PALM2AKAP2: variants seen among roughly 807,000 people sequenced by gnomAD.
PALM2AKAP2 encodes the protein PALM2 and AKAP2 fusion.
Under a neutral mutation model 71.5 loss-of-function variants are expected in PALM2AKAP2, and 37 were observed. That is an observed-to-expected ratio of 0.52 (90% CI 0.40 to 0.68). The LOEUF is 0.68. PALM2AKAP2 is among the 30% of genes least tolerant of loss of function. The pLI is 0.00. For synonymous variants in PALM2AKAP2, 468 were observed against 478.8 expected (o/e 0.98, Z 0.29); for missense variants, 1,224 against 1,191.8 (o/e 1.03, Z -0.40).
intron 2 of PALM2AKAP2, among the ~76,000 whole-genome samples, chr9:110,145,416 A>G (rs1279362565): frequency 2.6e-5 from 4 of 152,212 alleles, no homozygotes; most frequent in Admixed American, 6.5e-5. Context: ...CATTTACTCC[A>G]GAAACAGGTT....
intron 6 of PALM2AKAP2, among the ~76,000 whole-genome samples, chr9:109,986,059 C>T (rs182018618): frequency 2.4e-4 from 36 of 152,282 alleles, no homozygotes; most frequent in African/African-American, 7.2e-4. Context: ...AAAAGAAATG[C>T]GACCCGCTAC....
intron 6 of PALM2AKAP2, among the ~76,000 whole-genome samples, chr9:110,011,897 G>A (rs1250492865): frequency 1.3e-5 from 2 of 152,022 alleles, no homozygotes; most frequent in Non-Finnish European, 2.9e-5. Context: ...AGATACTGGT[G>A]TAGAACAGAT....
rs148201041 is a variant in PALM2AKAP2, at chr9:110,123,797, C to T, written c.157-12330C>T. 1.2e-4 allele frequency among the ~76,000 whole-genome samples: 19 copies of T among 152,318 alleles called. No homozygotes were observed. In the East Asian group the frequency reaches 1.9e-3, roughly 15 times the overall value. ...GCAGGTGTGGTAATGGAGTGGGTCC[C>T]GGGTGCCCCTCTTGCATCGCTGGTC... On this transcript the variant is annotated intron_variant, in intron 1 of 3. Coordinates refer to ENST00000374525, the Ensembl canonical transcript of PALM2AKAP2.
chr9:109,905,512 T>C lies in PALM2AKAP2; in HGVS notation c.258-18223T>C, dbSNP rs114310573. On this transcript the variant is annotated intron_variant, in intron 3 of 9. Coordinates refer to the PALM2AKAP2 transcript ENST00000302798. ...AGAGAGAATGCAACGACTGTGCCCG[T>C]GAGAAACCAACAGTGCAGGGTGGCG... Among the ~76,000 whole-genome samples, 690 of 152,354 alleles carry C rather than the reference T, an allele frequency of 4.5e-3. 7 individuals are homozygous for C. The highest frequency in any genetic ancestry group is 0.016 in the African/African-American group (666 of 41,572).
chr9:109,880,451 G>T, intron 2 of PALM2AKAP2, 100 bp from the exon 3 acceptor site: 1 of 1,516,028 alleles, frequency 6.6e-7, no homozygotes, highest in African/African-American at 1.4e-5. Flanking sequence ...TTCAGGCAGC[G>T]CTGGTGAGGG....
intron 1 of PALM2AKAP2, among the ~76,000 whole-genome samples, chr9:109,689,191 TTTTCTTTTC>T (rs1392116903): frequency 7.7e-4 from 85 of 110,190 alleles, no homozygotes; most frequent in African/African-American, 3.2e-3. Context: ...ATACCTTCTT[TTTTCTTTTC>T]TTTTTTTTTT....
intron 2 of PALM2AKAP2, among the ~76,000 whole-genome samples, chr9:109,870,929 GAA>G (rs948599136): frequency 2.6e-5 from 4 of 152,070 alleles, no homozygotes; most frequent in Admixed American, 6.5e-5. Flanking sequence ...TATTCTCTAA[GAA>G]AAAAATATTC....
intron 6 of PALM2AKAP2, among the ~76,000 whole-genome samples, chr9:109,998,225 CA>C (rs1324899228): frequency 6.6e-6 from 1 of 152,152 alleles, no homozygotes; most frequent in African/African-American, 2.4e-5. Context: ...TTAGGAAAAG[CA>C]GAGGCATTCT....
Position 109,780,534 on chromosome 9 carries a change from G to T in PALM2AKAP2, c.45+1G>T. 6.2e-7 allele frequency: 1 copy of T among 1,613,672 alleles called. No individual in the cohort carries two copies. Among genetic ancestry groups the T allele is most frequent in the East Asian group, 2.2e-5 (1 of 44,886 alleles). ...CAAGGAAAGGCTGCAAGCCATAGCA[G>T]TAAGTCCACTTTCATTTTATTTTCT... On this transcript the variant is annotated splice_donor_variant, in intron 1 of 9. Coordinates refer to the PALM2AKAP2 transcript ENST00000302798. LOFTEE classifies it high-confidence loss of function.
At chr9:110,156,640 C>T (rs1440451656) in intron 3 of PALM2AKAP2, 143 bp downstream of exon 9, 1 of 1,231,678 alleles carries the variant, frequency 8.1e-7, no homozygotes, top group Admixed American at 3.9e-5. Context: ...TATGTGGTTT[C>T]ACATGCCTGG....
chr9:109,904,288 C>T (rs1830394876), intron 3 of PALM2AKAP2, among the ~76,000 whole-genome samples: 1 of 152,108 alleles, frequency 6.6e-6, no homozygotes, highest in African/African-American at 2.4e-5. Context: ...TTCCCTTTTG[C>T]CTTCCTGTCA....
intron 7 of PALM2AKAP2, among the ~76,000 whole-genome samples, chr9:110,030,207 G>C (rs1391267593): frequency 2.6e-5 from 4 of 152,156 alleles, no homozygotes; most frequent in Non-Finnish European, 5.9e-5. Flanking sequence ...ATAGGAAGTG[G>C]GGGGAAGGGC....
intron 1 of PALM2AKAP2, among the ~76,000 whole-genome samples, chr9:109,704,562 T>A (rs536251664): frequency 4.6e-5 from 7 of 152,242 alleles, no homozygotes; most frequent in African/African-American, 1.7e-4. Context: ...TTTAAATAAC[T>A]CTTCTTTAGG....
At chr9:109,833,034 T>G (rs1224637442) in intron 1 of PALM2AKAP2, among the ~76,000 whole-genome samples, 2 of 152,156 alleles carry the variant, frequency 1.3e-5, no homozygotes, top group East Asian at 3.8e-4. Context: ...TCCATCCCAC[T>G]GAGGACAAAC....
In PALM2AKAP2 at chr9:110,156,299, T is replaced by A; in HGVS notation, c.2570-20T>A. 2 of 1,542,020 alleles carry A rather than the reference T, an allele frequency of 1.3e-6. No individual in the cohort carries two copies. Among genetic ancestry groups the A allele is most frequent in the Non-Finnish European group, 1.7e-6 (2 of 1,144,740 alleles). ...TGAGCAGACAAGCTTAGAAAGGGTA[T>A]TTTCTTCGTGTTGTTTCAGGGAAAA... On this transcript the variant is annotated intron_variant, in intron 2 of 3. Coordinates refer to ENST00000374525, the Ensembl canonical transcript of PALM2AKAP2.
chr9:110,152,271 A>C (rs966344967), intron 2 of PALM2AKAP2, among the ~76,000 whole-genome samples: 3 of 152,172 alleles, frequency 2.0e-5, no homozygotes, highest in African/African-American at 7.2e-5. Flanking sequence ...TAGAGTGTTC[A>C]GTGCAGGTGA....
intron 1 of PALM2AKAP2, among the ~76,000 whole-genome samples, chr9:110,110,761 A>G (rs1033075798): frequency 1.1e-4 from 16 of 151,816 alleles, no homozygotes; most frequent in African/African-American, 3.6e-4. Context: ...TGGCAAGGCT[A>G]GTCTCAAACT....
At chr9:109,816,051 G>A (rs1564161682) in intron 1 of PALM2AKAP2, among the ~76,000 whole-genome samples, 1 of 152,152 alleles carries the variant, frequency 6.6e-6, no homozygotes, top group African/African-American at 2.4e-5. Context: ...GCTTGTCCTG[G>A]GGAGAAAGTA....
intron 1 of PALM2AKAP2, among the ~76,000 whole-genome samples, chr9:109,684,521 T>G (rs1827781269): frequency 6.6e-6 from 1 of 152,100 alleles, no homozygotes; most frequent in East Asian, 1.9e-4. Context: ...AGAGCAGAAT[T>G]TTTCTATCCA....
Sources: allele counts gnomAD v4.1 joint callset (sites outside exome capture counted in the v4.1 genomes callset), GRCh38; gene constraint gnomAD v4.1.1; transcripts MANE v1.5; gene names NCBI Gene and HGNC (gene_info 2026-07-23, HGNC 2026-07-21).